The following LRCH3 variants were observed in gnomAD, a reference collection of about 807,000 sequenced individuals.
The protein encoded by LRCH3 is DISP complex protein LRCH3.
LRCH3 carries 68 observed loss-of-function variants against 104.5 expected under a neutral mutation model. The ratio of observed to expected loss-of-function variants is 0.65; its 90% CI spans 0.54 to 0.80. The LOEUF is 0.80. LRCH3 is among the 30% of genes least tolerant of loss of function. The pLI is 0.00. For synonymous variants in LRCH3, 344 were observed against 361.3 expected (o/e 0.95, Z 0.54); for missense variants, 951 against 953.9 (o/e 1.00, Z 0.04).
At position 197,835,230 on chromosome 3, in the gene LRCH3, C is replaced by T. The variant is rs936840692; in HGVS notation, c.1103-444C>T. 3.3e-5 allele frequency among the ~76,000 whole-genome samples: 5 copies of T among 151,888 alleles called. No homozygotes were observed. In the South Asian group the frequency reaches 8.3e-4, roughly 25 times the overall value. ...ACGGAGTCTTGCTATGTCACCCAAG[C>T]TGGAGTGCAGTGGTACGGTCTTGGC... On this transcript the variant is annotated intron_variant, in intron 8 of 20. Transcript: ENST00000425562.
chr3:197,846,691 G>A (rs1247254352), intron 10 of LRCH3, among the ~76,000 whole-genome samples: 1 of 152,098 alleles, frequency 6.6e-6, no homozygotes, highest in East Asian at 1.9e-4. Context: ...CAGCCTGATA[G>A]GCTAATCATC....
At chr3:197,825,593 T>C (rs1708468) in intron 4 of LRCH3, among the ~76,000 whole-genome samples, 109,365 of 147,674 alleles carry the variant, frequency 0.74, 41,847 homozygotes, top group East Asian at 0.94. Context: ...CATTCTCCTG[T>C]CTCAGCCTCC....
rs148689747 is a variant in LRCH3 at position 197,792,457 on chromosome 3, G to A, written c.262+917G>A. On this transcript the variant is annotated intron_variant, in intron 1 of 20. Coordinates refer to ENST00000425562, the MANE Select transcript of LRCH3 (RefSeq NM_001365715.1). ...TGGTGCCCGAGTTGTTCATCATCAT[G>A]TTTGCAGTGCCGTCATCACTGCTCA... Among the ~76,000 whole-genome samples, 93 of 149,226 alleles carry A rather than the reference G, an allele frequency of 6.2e-4. 1 individual carries two copies. In the East Asian group the frequency reaches 0.016, roughly 25 times the overall value.
Position 197,883,674 on chromosome 3 carries a change from C to T in LRCH3, c.*8C>T. 1.3e-6 allele frequency: 2 copies of T among 1,535,574 alleles called. No homozygotes were observed. The highest frequency in any genetic ancestry group is 2.4e-5 in the East Asian group (1 of 40,918). On this transcript the variant is annotated 3_prime_UTR_variant, in exon 21 of 21. Coordinates refer to ENST00000425562, the MANE Select transcript of LRCH3 (RefSeq NM_001365715.1). The surrounding 1 kb of genome is among the most constrained non-coding windows in gnomAD (Gnocchi z 4.2). ...CAGTTATCTGCTGTTTGAGGATCCC[C>T]AGGACGGTGGGCACTGGCCTGGCCA...
chr3:197,808,536 G>A (rs1464697840), intron 1 of LRCH3, among the ~76,000 whole-genome samples: 1 of 152,162 alleles, frequency 6.6e-6, no homozygotes, highest in Non-Finnish European at 1.5e-5. Flanking sequence ...ATCTGAGAAT[G>A]TGTTGATCTC....
chr3:197,813,084 T>C (rs1377830924), intron 1 of LRCH3, among the ~76,000 whole-genome samples: 4 of 152,228 alleles, frequency 2.6e-5, no homozygotes, highest in South Asian at 2.1e-4. Context: ...TGGTATCTTA[T>C]AGTTTTTTAA....
At position 197,852,595 on chromosome 3, in the gene LRCH3, C is replaced by T. The variant is rs36078463; in HGVS notation, c.1565C>T (p.Pro522Leu). The change falls in exon 13 of 21, where the codon CCG (proline) becomes CTG (leucine). Residue 522 changes from proline to leucine, a missense_variant. Coordinates refer to ENST00000425562, the MANE Select transcript of LRCH3 (RefSeq NM_001365715.1). ...KASQSPQKQH[P>L]LLDGVDGECP... ...TCACAAAGTCCACAAAAACAGCACCCGCTCCTAGATGGCGTAGATGGTGAG... is the reference window on the plus strand; with the variant it reads ...TCACAAAGTCCACAAAAACAGCACCTGCTCCTAGATGGCGTAGATGGTGAG... 0.077 allele frequency: 123,575 copies of T among 1,613,334 alleles called. 5,277 individuals carry two copies. Among genetic ancestry groups the T allele is most frequent in the East Asian group, 0.13 (5,943 of 44,858 alleles).
intron 12 of LRCH3, among the ~76,000 whole-genome samples, chr3:197,851,357 A>C (rs1391933757): frequency 6.6e-6 from 1 of 152,194 alleles, no homozygotes; most frequent in Non-Finnish European, 1.5e-5. Context: ...AAACATGAGA[A>C]GAGAGAGACT....
intron 1 of LRCH3, among the ~76,000 whole-genome samples, chr3:197,803,271 T>G (rs1732099828): frequency 6.6e-6 from 1 of 152,192 alleles, no homozygotes; most frequent in African/African-American, 2.4e-5. Flanking sequence ...CTATAAAATT[T>G]GTGGCTTCTG....
intron 12 of LRCH3, among the ~76,000 whole-genome samples, chr3:197,849,269 A>G (rs1739225848): frequency 7.4e-6 from 1 of 134,344 alleles, no homozygotes; most frequent in Non-Finnish European, 1.5e-5. Flanking sequence ...CTCCACCTCA[A>G]AAAAAAAAAA....
intron 9 of LRCH3, among the ~76,000 whole-genome samples, chr3:197,838,354 T>C (rs79695362): frequency 0.017 from 2,592 of 152,354 alleles, 77 homozygotes; most frequent in African/African-American, 0.06. Context: ...GGATCTCATG[T>C]CCAGACTTTA....
chr3:197,873,247 C>T (rs914759882), intron 19 of LRCH3, among the ~76,000 whole-genome samples: 8 of 152,206 alleles, frequency 5.3e-5, no homozygotes, highest in East Asian at 1.9e-4. Context: ...CTAGATCTGA[C>T]GTTTCTTGCA....
chr3:197,813,337 G>T (rs1327052289), intron 1 of LRCH3, among the ~76,000 whole-genome samples: 1 of 151,822 alleles, frequency 6.6e-6, no homozygotes, highest in Non-Finnish European at 1.5e-5. Flanking sequence ...GAATCTCACA[G>T]TAATTAATTA....
chr3:197,791,233 C>G, upstream of LRCH3: 1 of 1,591,570 alleles, frequency 6.3e-7, no homozygotes, highest in Non-Finnish European at 8.5e-7. Flanking sequence ...AGCGGTCCGG[C>G]CGCGCATGCG....
chr3:197,825,722 G>A (rs990306049), intron 4 of LRCH3, among the ~76,000 whole-genome samples: 10 of 151,420 alleles, frequency 6.6e-5, no homozygotes, highest in Non-Finnish European at 8.8e-5. Context: ...CTCGTGATCC[G>A]CCTGCCTCGG....
intron 19 of LRCH3, among the ~76,000 whole-genome samples, chr3:197,873,658 GA>G (rs1436085342): frequency 6.6e-6 from 1 of 152,148 alleles, no homozygotes; most frequent in Non-Finnish European, 1.5e-5. Flanking sequence ...CCAGGAGTTT[GA>G]GGCTGCAGTG....
intron 3 of LRCH3, 58 bp downstream of exon 3, chr3:197,817,360 G>GTTTATATATATATATATATA: frequency 1.3e-5 from 1 of 77,940 alleles, no homozygotes; most frequent in Admixed American, 4.6e-4. Context: ...GTGTGTGTGT[G>GTTTATATATATATATATATA]TATATATATA....
chr3:197,814,911 T>C lies in LRCH3; in HGVS notation c.266T>C (p.Leu89Pro). The change falls in exon 2 of 21, where the codon CTG becomes CCG. Residue 89 changes from leucine (L) to proline (P), a missense_variant. Transcript: ENST00000425562. ...HDLTDTTRADLSRNRLSEIPI... is the reference protein window; with the variant it reads ...HDLTDTTRADPSRNRLSEIPI... ...CCTAATTTAATTTTTCTTTTAGACC[T>C]GTCGCGAAATCGCCTTTCAGAAATT... 1 of 1,591,392 alleles carries C rather than the reference T, an allele frequency of 6.3e-7. No homozygotes were observed. The highest frequency in any genetic ancestry group is 8.5e-7 in the Non-Finnish European group (1 of 1,172,976).
chr3:197,880,423 A>G, intron 20 of LRCH3: 1 of 979,140 alleles, frequency 1.0e-6, no homozygotes, highest in Non-Finnish European at 1.6e-6. Flanking sequence ...TATGACTGAG[A>G]TGATCATATG....
Sources: allele counts gnomAD v4.1 joint callset (sites outside exome capture counted in the v4.1 genomes callset), GRCh38; gene constraint gnomAD v4.1.1; non-coding constraint Gnocchi (gnomAD v3.1); transcripts MANE v1.5; gene names NCBI Gene and HGNC (gene_info 2026-07-23, HGNC 2026-07-21).